ATE1: variants seen among roughly 807,000 people sequenced by gnomAD.
The protein encoded by ATE1 is arginyl-tRNA--protein transferase 1.
Under a neutral mutation model 70.5 loss-of-function variants are expected in ATE1, and 36 were observed. That is an observed-to-expected ratio of 0.51 (90% CI 0.39 to 0.67). The LOEUF (loss-of-function observed/expected upper bound fraction) is 0.67. ATE1 is among the 30% of genes least tolerant of loss of function. The pLI is 0.00. For synonymous variants in ATE1, 232 were observed against 219.3 expected (o/e 1.06, Z -0.51); for missense variants, 593 against 629.5 (o/e 0.94, Z 0.62).
At chr10:121,840,072 C>T (rs1176696499) in intron 9 of ATE1, among the ~76,000 whole-genome samples, 1 of 152,134 alleles carries the variant, frequency 6.6e-6, no homozygotes, top group Non-Finnish European at 1.5e-5. Context: ...TCCCCTCCTC[C>T]ACCACATATA....
chr10:121,882,323 A>C (rs184933882), intron 7 of ATE1, among the ~76,000 whole-genome samples: 116 of 152,354 alleles, frequency 7.6e-4, no homozygotes, highest in Non-Finnish European at 1.5e-3. Context: ...TTTCATGTGC[A>C]AATGCTGACT....
chr10:121,878,682 T>C (rs1262522617), intron 7 of ATE1, among the ~76,000 whole-genome samples: 1 of 151,986 alleles, frequency 6.6e-6, no homozygotes, highest in Non-Finnish European at 1.5e-5. Context: ...TAAAAATTAA[T>C]TTTAAAAAAG....
intron 8 of ATE1, among the ~76,000 whole-genome samples, chr10:121,852,223 GC>G (rs1195798872): frequency 1.3e-5 from 2 of 152,184 alleles, no homozygotes; most frequent in Non-Finnish European, 2.9e-5. Context: ...TTCCAAAGCA[GC>G]TGAAAATACC....
At chr10:121,829,565 C>T (rs1034512043) in intron 10 of ATE1, among the ~76,000 whole-genome samples, 2 of 151,466 alleles carry the variant, frequency 1.3e-5, no homozygotes, top group Non-Finnish European at 2.9e-5. Flanking sequence ...AAAAATTAGC[C>T]GGGCGTGGTG....
At chr10:121,859,145 T>C (rs749853088) in intron 8 of ATE1, among the ~76,000 whole-genome samples, 1 of 152,174 alleles carries the variant, frequency 6.6e-6, no homozygotes, top group African/African-American at 2.4e-5. Flanking sequence ...ATTGTGAAAT[T>C]TGTGATTTAT....
intron 10 of ATE1, among the ~76,000 whole-genome samples, chr10:121,808,207 T>G (rs1013626347): frequency 1.1e-4 from 17 of 152,262 alleles, no homozygotes; most frequent in Admixed American, 2.0e-4. Flanking sequence ...ATTAAATATA[T>G]AAAACAGCCA....
intron 10 of ATE1, among the ~76,000 whole-genome samples, chr10:121,814,252 G>A (rs1243768832): frequency 6.6e-6 from 1 of 152,182 alleles, no homozygotes; most frequent in Non-Finnish European, 1.5e-5. Flanking sequence ...TGCCTGTATT[G>A]GGCAATGGTG....
At position 121,922,357 on chromosome 10, in the gene ATE1, G is replaced by A. The variant is rs1347674851; in HGVS notation, c.225C>T (p.Tyr75=). The stretch of plus-strand genomic sequence containing the variant: ...CTAATTAAAATTCTTACCTTATTGT[G>A]TACTGAGGACAACATGTTTGATTCA... ...PVMNQTCCPQ[Y]TIRCRPLQFQ... Residue 75 remains tyrosine (Y), a synonymous_variant, in exon 3 of 12, where the codon TAC becomes TAT. Coordinates refer to ENST00000224652, the MANE Select transcript of ATE1 (RefSeq NM_001001976.3). 1.9e-6 allele frequency: 3 copies of A among 1,590,232 alleles called. No homozygotes were observed. The highest frequency in any genetic ancestry group is 2.2e-5 in the South Asian group (2 of 89,726).
At chr10:121,851,485 C>T (rs531460634) in intron 8 of ATE1, among the ~76,000 whole-genome samples, 5 of 152,308 alleles carry the variant, frequency 3.3e-5, no homozygotes, top group Admixed American at 2.6e-4. Context: ...ATCATACTAC[C>T]GGTCAGTCTC....
intron 2 of ATE1, among the ~76,000 whole-genome samples, chr10:121,923,253 T>C (rs1430818789): frequency 1.3e-5 from 2 of 152,192 alleles, no homozygotes; most frequent in Non-Finnish European, 2.9e-5. Flanking sequence ...GAAGAACACT[T>C]GCAACCAGAT....
chr10:121,740,991 G>A lies in ATE1; in HGVS notation c.*2689C>T, dbSNP rs1484734300. On this transcript the variant is annotated 3_prime_UTR_variant, in exon 12 of 12. Transcript: ENST00000224652. Reference sequence around the variant, plus strand: ...TAATTTAAATAAGGACGGTAGCAAGGGGAATTGAAATTACATCTTTGCTCC... The same window carrying A: ...TAATTTAAATAAGGACGGTAGCAAGAGGAATTGAAATTACATCTTTGCTCC... 6.6e-6 allele frequency: 1 copy of A among 152,138 alleles called. No individual in the cohort carries two copies. Among genetic ancestry groups the A allele is most frequent in the Non-Finnish European group, 1.5e-5 (1 of 68,036 alleles). The allele number at this position is 152,138 out of a possible 1,614,324, so 9.4% of individuals were successfully genotyped here. A position where few individuals can be genotyped will look rare whatever the true frequency, so the allele number is the denominator to read the frequency against.
intron 11 of ATE1, among the ~76,000 whole-genome samples, chr10:121,783,490 C>G (rs1245000338): frequency 1.3e-5 from 2 of 151,842 alleles, no homozygotes; most frequent in African/African-American, 2.4e-5. Flanking sequence ...CAAAAACCCA[C>G]ATGCATCTTC....
Position 121,790,249 on chromosome 10 carries a change from T to C in ATE1, c.1298A>G (p.Tyr433Cys). The change falls in exon 11 of 12, where the codon TAT becomes TGT. Residue 433 changes from tyrosine to cysteine, a missense_variant. Physicochemically the swap from Tyr to Cys is radical, Grantham distance 194 (BLOSUM62 -2). Transcript: ENST00000224652. ...RPSDLLCPET[Y>C]VWVPIEQCLP... is the part of the protein sequence containing the mutation. ...GCATTGCTCAATGGGTACCCAAACA[T>C]ATGTCTCAGGGCACAGCAAATCAGA... 6.2e-7 allele frequency: 1 copy of C among 1,613,972 alleles called. No homozygotes were observed. Among genetic ancestry groups the C allele is most frequent in the Non-Finnish European group, 8.5e-7 (1 of 1,179,946 alleles).
Position 121,743,321 on chromosome 10 carries a change from A to T in ATE1, c.*359T>A. 1 of 170,494 alleles carries T rather than the reference A, an allele frequency of 5.9e-6. No homozygotes were observed. The highest frequency in any genetic ancestry group is 2.9e-3 in the Middle Eastern group (1 of 350). The allele number at this position is 170,494 out of a possible 1,614,324, so 10.6% of individuals were successfully genotyped here. On this transcript the variant is annotated 3_prime_UTR_variant, in exon 12 of 12. Coordinates refer to ENST00000224652, the MANE Select transcript of ATE1 (RefSeq NM_001001976.3). ...TGGGCCTGAGGAAACAGTCTGTTTT[A>T]ATTTCTCTAACAGAACCAAAAAAAA...
At chr10:121,805,235 T>C (rs1947049814) in intron 10 of ATE1, among the ~76,000 whole-genome samples, 1 of 152,230 alleles carries the variant, frequency 6.6e-6, no homozygotes, top group Non-Finnish European at 1.5e-5. Context: ...ACTATGAGCA[T>C]GAAATTTGAA....
intron 11 of ATE1, among the ~76,000 whole-genome samples, chr10:121,775,901 T>C (rs947276767): frequency 1.4e-4 from 21 of 152,224 alleles, no homozygotes; most frequent in African/African-American, 3.9e-4. Flanking sequence ...GTAATTTACA[T>C]AGGTCCTTCC....
intron 3 of ATE1, among the ~76,000 whole-genome samples, chr10:121,916,617 C>T (rs929417826): frequency 4.6e-5 from 7 of 151,762 alleles, no homozygotes; most frequent in East Asian, 2.0e-4. Context: ...AGGTGGATCA[C>T]GAGGTCAGGA....
intron 10 of ATE1, among the ~76,000 whole-genome samples, chr10:121,833,516 T>C (rs556305916): frequency 1.3e-5 from 2 of 152,118 alleles, no homozygotes; most frequent in Admixed American, 6.6e-5. Context: ...TGGGAAGAAA[T>C]GTAAACTGCT....
At chr10:121,874,976 T>TA (rs1253116625) in intron 7 of ATE1, among the ~76,000 whole-genome samples, 1 of 126,918 alleles carries the variant, frequency 7.9e-6, no homozygotes, top group African/African-American at 3.0e-5. Context: ...CCATCTCTAC[T>TA]AAAAGAAAAA....
Sources: allele counts gnomAD v4.1 joint callset (sites outside exome capture counted in the v4.1 genomes callset), GRCh38; gene constraint gnomAD v4.1.1; transcripts MANE v1.5; gene names NCBI Gene and HGNC (gene_info 2026-07-23, HGNC 2026-07-21).